CNTN1: variants seen among roughly 807,000 people sequenced by gnomAD.
The protein encoded by CNTN1 is contactin-1.
CNTN1 carries 38 observed loss-of-function variants against 126.4 expected under a neutral mutation model. The observed-to-expected ratio is 0.30, with a 90% confidence interval of 0.23 to 0.39. CNTN1 has a LOEUF of 0.39. CNTN1 is among the 10% of genes least tolerant of loss of function. The pLI, the probability that CNTN1 is intolerant of heterozygous loss-of-function variation, is 1.00. For missense variants in CNTN1, 1,009 were observed against 1,248.4 expected (o/e 0.81, Z 2.89); for synonymous variants, 413 against 422.6 (o/e 0.98, Z 0.28).
chr12:41,051,498 T>C (rs978623516), intron 23 of CNTN1, among the ~76,000 whole-genome samples: 2 of 151,952 alleles, frequency 1.3e-5, no homozygotes, highest in Non-Finnish European at 2.9e-5. Flanking sequence ...TGTACTTTAG[T>C]CTTATGCTAT....
intron 15 of CNTN1, among the ~76,000 whole-genome samples, chr12:40,975,623 A>G (rs1470898791): frequency 6.6e-6 from 1 of 152,136 alleles, no homozygotes; most frequent in African/African-American, 2.4e-5. Context: ...TTTTAAAGTG[A>G]GAGTGAAAGA....
At chr12:40,792,541 A>AT (rs1940258209) in intron 1 of CNTN1, among the ~76,000 whole-genome samples, 1 of 152,152 alleles carries the variant, frequency 6.6e-6, no homozygotes, top group African/African-American at 2.4e-5. Flanking sequence ...AAATTATTGT[A>AT]AACCACAGCA....
At chr12:40,732,543 T>C (rs987950156) in intron 1 of CNTN1, among the ~76,000 whole-genome samples, 1 of 152,060 alleles carries the variant, frequency 6.6e-6, no homozygotes, top group Non-Finnish European at 1.5e-5. Flanking sequence ...ATTGCAGAAT[T>C]GTAGTTGAGT....
chr12:40,891,085 A>G (rs1012915015), intron 1 of CNTN1, among the ~76,000 whole-genome samples: 4 of 152,086 alleles, frequency 2.6e-5, no homozygotes, highest in African/African-American at 9.7e-5. Flanking sequence ...ATATCTTTTT[A>G]TCATTTTAAT....
chr12:40,708,337 T>G (rs1941822394), intron 1 of CNTN1, among the ~76,000 whole-genome samples: 1 of 152,262 alleles, frequency 6.6e-6, no homozygotes, highest in South Asian at 2.1e-4. Context: ...ATGTTTACAC[T>G]GTACTGTAGT....
intron 1 of CNTN1, among the ~76,000 whole-genome samples, chr12:40,795,302 CACACACACACACACACATT>C (rs894985051): frequency 1.7e-3 from 24 of 14,498 alleles, no homozygotes; most frequent in Non-Finnish European, 2.5e-3. Context: ...CACACACACA[CACACACACACACACACATT>C]TTTTTTTTTT....
At chr12:40,706,703 C>T (rs1941749615) in intron 1 of CNTN1, among the ~76,000 whole-genome samples, 1 of 152,154 alleles carries the variant, frequency 6.6e-6, no homozygotes, top group South Asian at 2.1e-4. Flanking sequence ...GGAAGGTTGT[C>T]TATTTATTAG....
At chr12:40,743,233 G>A (rs1370465529) in intron 1 of CNTN1, among the ~76,000 whole-genome samples, 1 of 152,060 alleles carries the variant, frequency 6.6e-6, no homozygotes, top group Non-Finnish European at 1.5e-5. Context: ...AACACAAGGT[G>A]TGGGGCGGGA....
chr12:40,990,359 C>T (rs1368521662), intron 16 of CNTN1, among the ~76,000 whole-genome samples: 2 of 152,144 alleles, frequency 1.3e-5, no homozygotes, highest in East Asian at 1.9e-4. Context: ...ACTTGCACTT[C>T]GTTTTCCCCC....
At chr12:40,971,704 T>A in intron 15 of CNTN1, 3 of 1,363,900 alleles carry the variant, frequency 2.2e-6, no homozygotes, top group Non-Finnish European at 2.8e-6. Context: ...CTATAATGCT[T>A]CACTAATACC....
chr12:40,920,609 T>G (rs1255956900), intron 4 of CNTN1, among the ~76,000 whole-genome samples: 2 of 152,156 alleles, frequency 1.3e-5, no homozygotes, highest in African/African-American at 4.8e-5. Context: ...CAGGACAAAT[T>G]ATACTAACCT....
chr12:40,879,371 C>G (rs1411130229), intron 1 of CNTN1, among the ~76,000 whole-genome samples: 1 of 152,104 alleles, frequency 6.6e-6, no homozygotes, highest in Non-Finnish European at 1.5e-5. Context: ...TCTAAAGTCC[C>G]TTAGCTTACT....
At chr12:40,971,370 A>G (rs1947503636) in intron 15 of CNTN1, 1 of 1,402,484 alleles carries the variant, frequency 7.1e-7, no homozygotes, top group African/African-American at 1.4e-5. Flanking sequence ...CCCCAAGTGC[A>G]TGGCTTCCTG....
In CNTN1 at chr12:40,701,384, T is replaced by C. The variant is rs536891564; in HGVS notation, c.-77+8792T>C. On this transcript the variant is annotated intron_variant, in intron 1 of 23. Coordinates refer to ENST00000551295, the MANE Select transcript of CNTN1 (RefSeq NM_001843.4). ...TTATGCATTTCTGCCCTAATTTTGC[T>C]TTCTAACATCTCAAACCATAAACAG... Among the ~76,000 whole-genome samples the C allele has an allele frequency of 5.1e-4, 77 of 152,282 alleles. No homozygotes were observed. The South Asian group carries it at 0.015, about 30-fold the overall frequency.
intron 21 of CNTN1, among the ~76,000 whole-genome samples, chr12:41,027,103 T>C (rs1459664471): frequency 6.6e-6 from 1 of 152,154 alleles, no homozygotes; most frequent in African/African-American, 2.4e-5. Flanking sequence ...CTCGACATTA[T>C]ATTACATTTG....
At chr12:41,021,964 C>T (rs532032647) in intron 20 of CNTN1, among the ~76,000 whole-genome samples, 31 of 151,810 alleles carry the variant, frequency 2.0e-4, no homozygotes, top group African/African-American at 7.5e-4. Context: ...TTATTTATTT[C>T]TAACTAATAA....
At chr12:41,040,005 T>C (rs1024557177) in intron 23 of CNTN1, among the ~76,000 whole-genome samples, 14 of 152,118 alleles carry the variant, frequency 9.2e-5, no homozygotes, top group African/African-American at 3.4e-4. Context: ...TTTTCCCCAT[T>C]TCTCCACTTG....
chr12:40,826,329 G>A (rs1941613152), intron 1 of CNTN1, among the ~76,000 whole-genome samples: 1 of 151,968 alleles, frequency 6.6e-6, no homozygotes. Flanking sequence ...TTCTATTTAA[G>A]GAATAAATAA....
intron 1 of CNTN1, chr12:40,896,058 G>GT (rs1277356726): frequency 6.6e-6 from 1 of 152,112 alleles, no homozygotes; most frequent in Non-Finnish European, 1.5e-5. Flanking sequence ...GAGCCACCGT[G>GT]CCCGGCCGCT....
Sources: allele counts gnomAD v4.1 joint callset (sites outside exome capture counted in the v4.1 genomes callset), GRCh38; gene constraint gnomAD v4.1.1; transcripts MANE v1.5; gene names NCBI Gene and HGNC (gene_info 2026-07-23, HGNC 2026-07-21).